The following EBF1 variants were observed in gnomAD, a reference collection of about 807,000 sequenced individuals.
The protein encoded by EBF1 is transcription factor COE1.
In EBF1, 10 loss-of-function variants were observed where a neutral mutation model predicts 68.4. The ratio of observed to expected loss-of-function variants is 0.15; its 90% CI spans 0.09 to 0.25. The LOEUF (loss-of-function observed/expected upper bound fraction) is 0.25, where lower values mean the gene tolerates loss of function less well. Ranked by LOEUF, EBF1 falls within the 10% of genes least tolerant of loss-of-function variation. The pLI, the probability that EBF1 is intolerant of heterozygous loss-of-function variation, is 1.00. For missense variants in EBF1, 509 were observed against 794.4 expected (o/e 0.64, Z 4.32); for synonymous variants, 298 against 299.8 (o/e 0.99, Z 0.06).
At chr5:158,703,716 G>A (rs759815284) in intron 15 of EBF1, among the ~76,000 whole-genome samples, 42 of 151,582 alleles carry the variant, frequency 2.8e-4, no homozygotes, top group Non-Finnish European at 4.7e-4. Context: ...ACTGGTCACC[G>A]CATGTTATCC....
At chr5:158,993,357 T>C (rs1760765336) in intron 6 of EBF1, among the ~76,000 whole-genome samples, 1 of 152,150 alleles carries the variant, frequency 6.6e-6, no homozygotes, top group South Asian at 2.1e-4. Context: ...CCTGTTTCTT[T>C]TAGACTTGTT....
At chr5:158,909,754 T>C (rs887872155) in intron 6 of EBF1, among the ~76,000 whole-genome samples, 1 of 151,858 alleles carries the variant, frequency 6.6e-6, no homozygotes, top group African/African-American at 2.4e-5. Context: ...CTGGCCAACA[T>C]AGTAAAACCC....
rs1325643245 is a variant in EBF1, at chr5:158,697,485, T to C, written c.*1626A>G. On this transcript the variant is annotated 3_prime_UTR_variant, in exon 16 of 16. Coordinates refer to ENST00000313708, the MANE Select transcript of EBF1 (RefSeq NM_024007.5). ...ATACGCACTTTTCACGTAGCAAACA[T>C]ACACAATAAAATAAATTGGGGGTGG... 4.3e-5 allele frequency: 9 copies of C among 209,026 alleles called. No individual in the cohort carries two copies. In the East Asian group the frequency reaches 6.5e-4, roughly 15 times the overall value. 12.9% of individuals were successfully genotyped at this position (209,026 alleles called of 1,614,324 possible).
intron 8 of EBF1, among the ~76,000 whole-genome samples, chr5:158,815,689 A>G (rs758860014): frequency 4.6e-5 from 7 of 152,150 alleles, no homozygotes; most frequent in Non-Finnish European, 1.0e-4. Context: ...CTGCTCATGA[A>G]CCCTTCAGTC....
rs753357460 is a variant in EBF1, at chr5:159,099,306, C to A, written c.134+39G>T. 2.4e-5 allele frequency: 34 copies of A among 1,439,918 alleles called. 2 individuals are homozygous for A. In the South Asian group the frequency reaches 4.9e-4, roughly 21 times the overall value. 89.2% of individuals were successfully genotyped at this position (1,439,918 alleles called of 1,614,324 possible). A position where few individuals can be genotyped will look rare whatever the true frequency, so the allele number is the denominator to read the frequency against. ...GCCTCCGCCTCCCGGCTCTCCCGCT[C>A]GCGGCTCACCTCGGCCGCGGTCCCC... On this transcript the variant is annotated intron_variant, in intron 1 of 15. Transcript: ENST00000313708.
chr5:158,889,780 G>C (rs1230159352), intron 6 of EBF1, among the ~76,000 whole-genome samples: 1 of 152,156 alleles, frequency 6.6e-6, no homozygotes, highest in Non-Finnish European at 1.5e-5. Flanking sequence ...CTCCTCTTCT[G>C]CAGTTGGTCC....
chr5:158,971,562 T>C (rs1755658108), intron 6 of EBF1, among the ~76,000 whole-genome samples: 1 of 152,122 alleles, frequency 6.6e-6, no homozygotes, highest in South Asian at 2.1e-4. Context: ...AGAGGTTCCA[T>C]GACTTTTCAC....
intron 9 of EBF1, among the ~76,000 whole-genome samples, chr5:158,787,514 G>C (rs1408711787): frequency 1.3e-5 from 2 of 152,220 alleles, no homozygotes; most frequent in Middle Eastern, 3.4e-3. Flanking sequence ...CTGAATTTTA[G>C]GGAGTTGAGA....
At chr5:158,745,798 G>C (rs996714817) in intron 10 of EBF1, among the ~76,000 whole-genome samples, 21 of 152,184 alleles carry the variant, frequency 1.4e-4, no homozygotes, top group African/African-American at 5.1e-4. Flanking sequence ...AATGTTGGCT[G>C]TTGCTGTTGA....
At chr5:158,791,318 CAAAA>C (rs70987931) in intron 9 of EBF1, among the ~76,000 whole-genome samples, 4 of 69,074 alleles carry the variant, frequency 5.8e-5, no homozygotes, top group Non-Finnish European at 6.1e-5. Context: ...GATTCCATCT[CAAAA>C]AAAAAAAAAA....
In EBF1 at chr5:158,861,968, TTA is replaced by T. The variant is rs559783240; in HGVS notation, c.555-21860_555-21859del. Among the ~76,000 whole-genome samples the T allele has an allele frequency of 1.3e-3, 203 of 152,366 alleles. 1 individual carries two copies. Among genetic ancestry groups the T allele is most frequent in the African/African-American group, 4.3e-3 (179 of 41,598 alleles). ...CCATATACAGACACTATATCCTTTT[TTA>T]TGTTATTTCATATCTTCAAAATATT... On this transcript the variant is annotated intron_variant, in intron 6 of 15. Transcript: ENST00000313708.
chr5:158,827,105 C>T (rs1008948906), intron 7 of EBF1, among the ~76,000 whole-genome samples: 10 of 152,110 alleles, frequency 6.6e-5, no homozygotes, highest in African/African-American at 2.4e-4. Context: ...GTTCCTGGTT[C>T]ACATGGAGCA....
At chr5:159,087,403 TACAC>T (rs1359653557) in intron 4 of EBF1, among the ~76,000 whole-genome samples, 5 of 147,354 alleles carry the variant, frequency 3.4e-5, no homozygotes, top group Non-Finnish European at 6.0e-5. Context: ...TACATATATA[TACAC>T]ACACATATAT....
intron 10 of EBF1, among the ~76,000 whole-genome samples, chr5:158,763,120 G>T (rs188725935): frequency 6.6e-6 from 1 of 152,090 alleles, no homozygotes; most frequent in East Asian, 1.9e-4. Flanking sequence ...GAAGATCACC[G>T]AATAAAGGCA....
At chr5:158,730,352 A>G (rs1280527380) in intron 11 of EBF1, among the ~76,000 whole-genome samples, 1 of 152,238 alleles carries the variant, frequency 6.6e-6, no homozygotes, top group African/African-American at 2.4e-5. Context: ...ATAAAGCCCA[A>G]GTTCCTCAGG....
chr5:158,900,310 G>A (rs1199992927), intron 6 of EBF1, among the ~76,000 whole-genome samples: 1 of 152,118 alleles, frequency 6.6e-6, no homozygotes, highest in East Asian at 1.9e-4. Context: ...AGTGGAGGGT[G>A]CAAAACAAAT....
chr5:158,786,580 A>T (rs1431359720), intron 9 of EBF1, among the ~76,000 whole-genome samples: 1 of 152,150 alleles, frequency 6.6e-6, no homozygotes, highest in African/African-American at 2.4e-5. Flanking sequence ...ATCAGACACC[A>T]GCAACGCCAG....
chr5:158,988,594 C>T lies in EBF1; in HGVS notation c.554+84802G>A, dbSNP rs116375487. ...GACTCTGCCTAATACACCCACCACC[C>T]TATCTTTGAAGGGAGGAGTTGAGGG... On this transcript the variant is annotated intron_variant, in intron 6 of 15. Coordinates refer to ENST00000313708, the MANE Select transcript of EBF1 (RefSeq NM_024007.5). 2.4e-3 allele frequency among the ~76,000 whole-genome samples: 369 copies of T among 152,294 alleles called. 1 individual carries two copies. Among genetic ancestry groups the T allele is most frequent in the African/African-American group, 8.5e-3 (353 of 41,554 alleles).
At chr5:159,037,715 G>T in intron 6 of EBF1, among the ~76,000 whole-genome samples, 1 of 147,610 alleles carries the variant, frequency 6.8e-6, no homozygotes, top group Non-Finnish European at 1.5e-5. Flanking sequence ...TAGATGACGA[G>T]TTAGTGGGTG....
Sources: gnomAD v4.1 joint callset for allele counts (sites outside exome capture counted in the v4.1 genomes callset) on GRCh38, gnomAD v4.1.1 for gene constraint, MANE v1.5 for transcripts, NCBI Gene and HGNC (gene_info 2026-07-23, HGNC 2026-07-21) for gene names.